GALNT10: variants seen among roughly 807,000 people sequenced by gnomAD.
The protein encoded by GALNT10 is polypeptide N-acetylgalactosaminyltransferase 10.
A neutral mutation model predicts 75.0 loss-of-function variants in GALNT10; 41 were observed. That is an observed-to-expected ratio of 0.55 (90% CI 0.43 to 0.71). The LOEUF (loss-of-function observed/expected upper bound fraction) is 0.71, where lower values mean the gene tolerates loss of function less well. GALNT10 is among the 30% of genes least tolerant of loss of function. The pLI is 0.00. For synonymous variants in GALNT10, 302 were observed against 313.0 expected, an observed-to-expected ratio of 0.96 and a Z score of 0.37; for missense variants, 727 against 818.5, an observed-to-expected ratio of 0.89 and a Z score of 1.36.
At chr5:154,199,178 A>AC (rs1561625996) in intron 1 of GALNT10, among the ~76,000 whole-genome samples, 2 of 152,160 alleles carry the variant, frequency 1.3e-5, no homozygotes, top group Non-Finnish European at 2.9e-5. Flanking sequence ...GTGCTTCACA[A>AC]TCCCTAGGGA....
At chr5:154,274,855 T>C (rs1581950760) in intron 1 of GALNT10, among the ~76,000 whole-genome samples, 1 of 152,254 alleles carries the variant, frequency 6.6e-6, no homozygotes, top group African/African-American at 2.4e-5. Flanking sequence ...AACAGTTGGC[T>C]GGAGCTGGGG....
chr5:154,329,913 G>A (rs1754819668), intron 4 of GALNT10, 175 bp downstream of exon 4: 2 of 288,522 alleles, frequency 6.9e-6, no homozygotes, highest in Non-Finnish European at 1.3e-5. Flanking sequence ...CTCATGAAGT[G>A]ACTGCCATTT....
intron 4 of GALNT10, among the ~76,000 whole-genome samples, chr5:154,347,576 G>C (rs1258833818): frequency 6.6e-6 from 1 of 152,000 alleles, no homozygotes; most frequent in Non-Finnish European, 1.5e-5. Context: ...TGCCCAGGCT[G>C]GTCTCAAATT....
At chr5:154,291,402 A>C (rs970729424) in intron 1 of GALNT10, among the ~76,000 whole-genome samples, 10 of 152,094 alleles carry the variant, frequency 6.6e-5, no homozygotes, top group African/African-American at 2.4e-4. Context: ...GAAATGCAGA[A>C]TCTCAGGCCC....
At chr5:154,380,739 C>A in intron 6 of GALNT10, 108 bp downstream of exon 6, 2 of 685,696 alleles carry the variant, frequency 2.9e-6, no homozygotes, top group Non-Finnish European at 2.5e-6. Context: ...GCAGAGGGTC[C>A]AGCTTCCCAG....
At chr5:154,386,617 G>GGCC in intron 7 of GALNT10, 187 bp downstream of exon 7, 2 of 365,832 alleles carry the variant, frequency 5.5e-6, no homozygotes, top group East Asian at 7.2e-5. Flanking sequence ...GGGGGTGTGG[G>GGCC]AGGGAAGGGG....
Position 154,396,984 on chromosome 5 carries a change from G to A in GALNT10, c.1057-7120G>A, listed in dbSNP as rs139522666. On this transcript the variant is annotated intron_variant, in intron 7 of 11. Coordinates refer to ENST00000297107, the MANE Select transcript of GALNT10 (RefSeq NM_198321.4). The stretch of plus-strand genomic sequence containing the variant: ...TCTACTAAAAATACAAAAATCAGCT[G>A]GGCATGGTGGTGGGCACCTGTAATC... 1.8e-3 allele frequency among the ~76,000 whole-genome samples: 274 copies of A among 152,068 alleles called. 1 individual carries two copies. The highest frequency in any genetic ancestry group is 3.1e-3 in the Non-Finnish European group (209 of 67,966).
intron 1 of GALNT10, among the ~76,000 whole-genome samples, chr5:154,250,696 T>A (rs1753503840): frequency 6.6e-6 from 1 of 152,150 alleles, no homozygotes. Flanking sequence ...AGTCGCTCAA[T>A]CTAGGTGTCA....
chr5:154,291,697 C>T (rs1754196980), intron 1 of GALNT10, among the ~76,000 whole-genome samples: 1 of 152,220 alleles, frequency 6.6e-6, no homozygotes, highest in Non-Finnish European at 1.5e-5. Context: ...CTTAGGACTT[C>T]ATGGAACAAA....
chr5:154,209,238 C>T (rs1197011267), intron 1 of GALNT10, among the ~76,000 whole-genome samples: 1 of 152,224 alleles, frequency 6.6e-6, no homozygotes, highest in Non-Finnish European at 1.5e-5. Context: ...CCCGTGCTGC[C>T]TGCCTACTGA....
chr5:154,384,686 G>T (rs1202720756), intron 6 of GALNT10, among the ~76,000 whole-genome samples: 1 of 152,194 alleles, frequency 6.6e-6, no homozygotes, highest in Admixed American at 6.5e-5. Context: ...AATTTCTCAC[G>T]CCCTGTTCTT....
At chr5:154,214,710 A>G (rs775131268) in intron 1 of GALNT10, among the ~76,000 whole-genome samples, 1 of 152,188 alleles carries the variant, frequency 6.6e-6, no homozygotes, top group African/African-American at 2.4e-5. Flanking sequence ...TCAGTCAGCT[A>G]CCTGTACAGG....
At chr5:154,359,605 T>C (rs1755351566) in intron 4 of GALNT10, among the ~76,000 whole-genome samples, 2 of 151,168 alleles carry the variant, frequency 1.3e-5, no homozygotes, top group African/African-American at 4.9e-5. Context: ...GTAAATCCTA[T>C]ATCCTTTCCC....
intron 1 of GALNT10, among the ~76,000 whole-genome samples, chr5:154,225,432 C>T (rs1329832614): frequency 6.6e-6 from 1 of 151,554 alleles, no homozygotes; most frequent in South Asian, 2.1e-4. Context: ...ACTCTGTCGC[C>T]CAGGCTGGAG....
At chr5:154,197,811 T>G (rs1774968854) in intron 1 of GALNT10, among the ~76,000 whole-genome samples, 1 of 152,074 alleles carries the variant, frequency 6.6e-6, no homozygotes, top group Non-Finnish European at 1.5e-5. Context: ...TGTAACCAGG[T>G]AGGAAAGAAG....
At chr5:154,370,587 C>G (rs1163145660) in intron 4 of GALNT10, among the ~76,000 whole-genome samples, 1 of 152,124 alleles carries the variant, frequency 6.6e-6, no homozygotes, top group African/African-American at 2.4e-5. Context: ...AAGGAGACAT[C>G]CTGGGGCCTT....
intron 1 of GALNT10, among the ~76,000 whole-genome samples, chr5:154,255,179 C>G (rs1217473482): frequency 1.3e-5 from 2 of 152,106 alleles, no homozygotes; most frequent in Non-Finnish European, 2.9e-5. Flanking sequence ...TAACCCCGAA[C>G]AGACTCCCTC....
At chr5:154,312,472 G>A (rs1349865560) in intron 3 of GALNT10, among the ~76,000 whole-genome samples, 3 of 152,108 alleles carry the variant, frequency 2.0e-5, no homozygotes, top group Non-Finnish European at 4.4e-5. Context: ...ACATATGAAT[G>A]GGGCTTAGGG....
chr5:154,321,734 A>T (rs1177983925), intron 3 of GALNT10, among the ~76,000 whole-genome samples: 2 of 152,156 alleles, frequency 1.3e-5, no homozygotes, highest in African/African-American at 4.8e-5. Flanking sequence ...TGAGGGAATG[A>T]AACAGCTGAA....
Sources: gnomAD v4.1 joint callset for allele counts (sites outside exome capture counted in the v4.1 genomes callset) on GRCh38, gnomAD v4.1.1 for gene constraint, MANE v1.5 for transcripts, NCBI Gene and HGNC (gene_info 2026-07-23, HGNC 2026-07-21) for gene names.